Variants in DLG2 observed in about 807,000 individuals in gnomAD.
DLG2 encodes the protein disks large homolog 2.
Under a neutral mutation model 132.5 loss-of-function variants are expected in DLG2, and 45 were observed. The ratio of observed to expected loss-of-function variants is 0.34; its 90% CI spans 0.27 to 0.44. The LOEUF (loss-of-function observed/expected upper bound fraction) is 0.44, where lower values mean the gene tolerates loss of function less well. Ranked by LOEUF, DLG2 falls within the 20% of genes least tolerant of loss-of-function variation. The pLI is 1.00. For synonymous variants in DLG2, 424 were observed against 419.6 expected, an observed-to-expected ratio of 1.01 and a Z score of -0.13; for missense variants, 1,045 against 1,196.9, an observed-to-expected ratio of 0.87 and a Z score of 1.87.
At chr11:84,954,557 T>C (rs2051389665) in intron 6 of DLG2, among the ~76,000 whole-genome samples, 1 of 152,176 alleles carries the variant, frequency 6.6e-6, no homozygotes, top group Admixed American at 6.5e-5. Context: ...TAGGCTTTAT[T>C]GAGCAGAGGT....
intron 7 of DLG2, among the ~76,000 whole-genome samples, chr11:84,281,621 G>A (rs949215458): frequency 2.3e-5 from 3 of 130,170 alleles, no homozygotes; most frequent in African/African-American, 8.9e-5. Flanking sequence ...TCCCCAGAGT[G>A]TGATGTTCCC....
chr11:85,047,564 T>C (rs1285102228), intron 6 of DLG2, among the ~76,000 whole-genome samples: 5 of 151,884 alleles, frequency 3.3e-5, no homozygotes, highest in Admixed American at 3.3e-4. Context: ...ATCTAGAATA[T>C]AATGTATTAC....
intron 14 of DLG2, among the ~76,000 whole-genome samples, chr11:83,935,030 C>A (rs1176655820): frequency 6.6e-6 from 1 of 152,174 alleles, no homozygotes; most frequent in African/African-American, 2.4e-5. Flanking sequence ...ATGGCTAAAT[C>A]TGCAGAACTT....
At chr11:83,868,093 G>T (rs2062736063) in intron 16 of DLG2, among the ~76,000 whole-genome samples, 1 of 152,164 alleles carries the variant, frequency 6.6e-6, no homozygotes, top group Non-Finnish European at 1.5e-5. Flanking sequence ...GAACTGGGGG[G>T]ACAGCGATGG....
chr11:85,512,493 C>T (rs2094095782), intron 3 of DLG2, among the ~76,000 whole-genome samples: 1 of 152,076 alleles, frequency 6.6e-6, no homozygotes, highest in East Asian at 1.9e-4. Context: ...TGACCTTTCT[C>T]TATAAATAAT....
At chr11:83,599,368 AC>A (rs2058146710) in intron 19 of DLG2, among the ~76,000 whole-genome samples, 1 of 151,646 alleles carries the variant, frequency 6.6e-6, no homozygotes, top group Non-Finnish European at 1.5e-5. Flanking sequence ...GCTATTTCAC[AC>A]CTCCTTGCTT....
chr11:83,781,987 A>C (rs1051260994), intron 18 of DLG2, among the ~76,000 whole-genome samples: 3 of 152,086 alleles, frequency 2.0e-5, no homozygotes, highest in African/African-American at 7.2e-5. Context: ...GAGTTTCAGA[A>C]CTTGAAAAAA....
At chr11:84,600,224 G>GAAAGAA (rs61255791) in intron 6 of DLG2, among the ~76,000 whole-genome samples, 21 of 100,608 alleles carry the variant, frequency 2.1e-4, no homozygotes, top group Admixed American at 1.4e-3. Flanking sequence ...AAGAAAGAAA[G>GAAAGAA]AGAAAGAAAG....
At chr11:85,082,763 G>T (rs1304923912) in intron 6 of DLG2, among the ~76,000 whole-genome samples, 2 of 133,524 alleles carry the variant, frequency 1.5e-5, no homozygotes, top group African/African-American at 2.8e-5. Context: ...TTTCACCTGA[G>T]GAAAATTTTA....
chr11:84,583,725 T>C (rs2099522155), intron 6 of DLG2, among the ~76,000 whole-genome samples: 1 of 152,156 alleles, frequency 6.6e-6, no homozygotes, highest in African/African-American at 2.4e-5. Context: ...TTTCATTGTA[T>C]GGTTTTAGTG....
intron 7 of DLG2, among the ~76,000 whole-genome samples, chr11:84,432,870 A>T (rs987120510): frequency 1.3e-5 from 2 of 152,092 alleles, no homozygotes; most frequent in Admixed American, 1.3e-4. Flanking sequence ...TAAAAACGCA[A>T]AAAATTAGTC....
rs1402567515 is a variant in DLG2, at chr11:83,498,215, T to C, written c.2194-13987A>G. Among the ~76,000 whole-genome samples, 5 of 152,264 alleles carry C rather than the reference T, an allele frequency of 3.3e-5. No individual in the cohort carries two copies. In the East Asian group the frequency reaches 9.6e-4, roughly 29 times the overall value. Reference sequence around the variant, plus strand: ...ATTATTTAATCTCTGAGCCTCAGTTTTAGGTATTTAAATGTGATAACATAT... The same window carrying C: ...ATTATTTAATCTCTGAGCCTCAGTTCTAGGTATTTAAATGTGATAACATAT... On this transcript the variant is annotated intron_variant, in intron 21 of 27. Coordinates refer to ENST00000376104, the MANE Select transcript of DLG2 (RefSeq NM_001142699.3).
intron 9 of DLG2, among the ~76,000 whole-genome samples, chr11:84,106,630 G>A (rs189590511): frequency 6.6e-6 from 1 of 152,156 alleles, no homozygotes; most frequent in East Asian, 1.9e-4. Flanking sequence ...GGGTAGAAAA[G>A]CCATCAGGAG....
At chr11:84,501,035 C>T (rs1340920547) in intron 7 of DLG2, among the ~76,000 whole-genome samples, 2 of 152,044 alleles carry the variant, frequency 1.3e-5, no homozygotes, top group African/African-American at 4.8e-5. Context: ...GTGCACATAC[C>T]CCATCCCCTG....
chr11:84,741,198 C>G (rs1033302193), intron 6 of DLG2, among the ~76,000 whole-genome samples: 1 of 150,966 alleles, frequency 6.6e-6, no homozygotes, highest in Admixed American at 6.6e-5. Context: ...TCCCGAGTAG[C>G]TGGGACTACA....
intron 4 of DLG2, among the ~76,000 whole-genome samples, chr11:85,236,398 T>C (rs192067400): frequency 2.0e-5 from 3 of 152,092 alleles, no homozygotes. Context: ...ACCCCTCTCT[T>C]TTTGTCTTGC....
chr11:83,757,616 A>G (rs1278576401), intron 18 of DLG2, among the ~76,000 whole-genome samples: 2 of 152,164 alleles, frequency 1.3e-5, no homozygotes, highest in Non-Finnish European at 2.9e-5. Flanking sequence ...ACCTTAGATA[A>G]TTTGTGTTGA....
intron 6 of DLG2, among the ~76,000 whole-genome samples, chr11:84,776,659 A>G (rs1435509277): frequency 1.3e-5 from 2 of 152,144 alleles, no homozygotes; most frequent in African/African-American, 4.8e-5. Context: ...AAACGATATA[A>G]TATATAGTAT....
chr11:83,953,755 C>T (rs956546115), intron 14 of DLG2, among the ~76,000 whole-genome samples: 8 of 152,164 alleles, frequency 5.3e-5, no homozygotes, highest in Non-Finnish European at 1.0e-4. Context: ...TTTCTTGAGT[C>T]ACAGTATAAA....
Sources: gnomAD v4.1 joint callset for allele counts (sites outside exome capture counted in the v4.1 genomes callset) on GRCh38, gnomAD v4.1.1 for gene constraint, MANE v1.5 for transcripts, NCBI Gene and HGNC (gene_info 2026-07-23, HGNC 2026-07-21) for gene names.